Variants in GRHL1 observed in about 807,000 individuals in gnomAD.
GRHL1 encodes the protein grainyhead like transcription factor 1.
In GRHL1, 38 loss-of-function variants were observed where a neutral mutation model predicts 75.7. The ratio of observed to expected loss-of-function variants is 0.50; its 90% CI spans 0.39 to 0.66. The LOEUF (loss-of-function observed/expected upper bound fraction) is 0.66. Among genes scored for constraint, GRHL1 ranks in the 30% least tolerant of loss-of-function variants. GRHL1 has a pLI of 0.00. For synonymous variants in GRHL1, 266 were observed against 279.4 expected (o/e 0.95, Z 0.48); for missense variants, 589 against 767.5 (o/e 0.77, Z 2.75).
intron 14 of GRHL1, among the ~76,000 whole-genome samples, chr2:9,998,503 T>TATATATATAC (rs1669003352): frequency 4.4e-5 from 1 of 22,864 alleles, no homozygotes; most frequent in Non-Finnish European, 7.5e-5. Flanking sequence ...TATATATACA[T>TATATATATAC]ATATATACGT....
intron 4 of GRHL1, among the ~76,000 whole-genome samples, chr2:9,961,657 CTGAGT>C (rs1667280070): frequency 6.6e-6 from 1 of 152,094 alleles, no homozygotes; most frequent in African/African-American, 2.4e-5. Flanking sequence ...TTACCAGCAG[CTGAGT>C]TAACAATTAT....
At position 9,987,178 on chromosome 2, in the gene GRHL1, G is replaced by A. The variant is rs1442473154; in HGVS notation, c.1269+896G>A. On this transcript the variant is annotated intron_variant, in intron 9 of 15. Coordinates refer to ENST00000324907, the MANE Select transcript of GRHL1 (RefSeq NM_198182.3). The surrounding 1 kb of genome is among the most constrained non-coding windows in gnomAD (Gnocchi z 4.2). ...TATAGAAACAGGGTTTCGCCAGGTT[G>A]GCCAGGCTGGTCTTGAATTCCTGGC... Among the ~76,000 whole-genome samples the A allele has an allele frequency of 6.6e-6, 1 of 151,874 alleles. No homozygotes were observed. Among genetic ancestry groups the A allele is most frequent in the Non-Finnish European group, 1.5e-5 (1 of 67,946 alleles).
At position 9,961,114 on chromosome 2, in the gene GRHL1, A is replaced by G. The variant is rs1274044838; in HGVS notation, c.347A>G (p.Lys116Arg). Residue 116 changes from lysine (K) to arginine (R), a missense_variant, in exon 4 of 16, where the codon AAA becomes AGA. Lys to Arg is a conservative substitution (Grantham distance 26, BLOSUM62 2). Around this residue, in one of 5 missense-constraint regions of GRHL1, gnomAD observed 362 missense variants for 461.8 expected, o/e 0.78. Transcript: ENST00000324907. ...SAGENRVQVL[K>R]NVPFNIVLPH... is the part of the protein sequence containing the mutation. ...GGAGAAAACAGAGTGCAAGTACTGA[A>G]AAATGTGCCATTTAACATTGTCCTT... The G allele has an allele frequency of 6.3e-7, 1 of 1,588,048 alleles. No homozygotes were observed.
intron 1 of GRHL1, chr2:9,953,099 C>G: frequency 2.2e-6 from 1 of 456,604 alleles, no homozygotes; most frequent in East Asian, 6.9e-5. Context: ...TTAGATAAGG[C>G]AAATTTTCCA....
chr2:9,996,265 C>T (rs1233098966), intron 13 of GRHL1, 51 bp from the exon 14 acceptor site: 4 of 1,309,586 alleles, frequency 3.1e-6, no homozygotes, highest in Non-Finnish European at 4.4e-6. Context: ...TGAACTGTAT[C>T]CTTTTTTTCC....
At chr2:9,963,814 A>G (rs1408927573) in intron 5 of GRHL1, 72 bp from the exon 6 acceptor site, 1 of 1,013,636 alleles carries the variant, frequency 9.9e-7, no homozygotes, top group African/African-American at 1.6e-5. Flanking sequence ...AGCAAATGCT[A>G]TTTATAATAT....
chr2:9,984,545 C>T (rs1668338961), intron 8 of GRHL1, among the ~76,000 whole-genome samples: 2 of 152,162 alleles, frequency 1.3e-5, no homozygotes, highest in South Asian at 4.1e-4. Flanking sequence ...ATGTCATATT[C>T]ATAATGTGAC....
At chr2:9,994,657 G>A (rs189322482) in intron 12 of GRHL1, among the ~76,000 whole-genome samples, 46 of 152,170 alleles carry the variant, frequency 3.0e-4, no homozygotes, top group African/African-American at 9.9e-4. Context: ...TGTGTGTTAG[G>A]AACTGAGGTG....
chr2:9,975,125 T>A (rs994207761), intron 8 of GRHL1, among the ~76,000 whole-genome samples: 12 of 152,306 alleles, frequency 7.9e-5, no homozygotes, highest in Middle Eastern at 3.4e-3. Context: ...TTTCACCTTC[T>A]AAGGCCTGTG....
chr2:9,953,976 C>T (rs1387366096), intron 1 of GRHL1, among the ~76,000 whole-genome samples: 1 of 152,066 alleles, frequency 6.6e-6, no homozygotes, highest in Non-Finnish European at 1.5e-5. Context: ...TTAAATAGTA[C>T]CAACCGAACA....
chr2:10,001,298 C>T lies in GRHL1; in HGVS notation c.*591C>T, dbSNP rs1669259747. The T allele has an allele frequency of 6.6e-6, 1 of 152,606 alleles. No individual in the cohort carries two copies. The highest frequency in any genetic ancestry group is 2.4e-5 in the African/African-American group (1 of 41,426). 9.5% of individuals were successfully genotyped at this position (152,606 alleles called of 1,614,324 possible). ...CGACTTTCTCGGACATATCAACTGC[C>T]TTTCTCATGAAGAATTTTAATGGGT... On this transcript the variant is annotated 3_prime_UTR_variant, in exon 16 of 16. Transcript: ENST00000324907.
intron 11 of GRHL1, among the ~76,000 whole-genome samples, 199 bp from the exon 12 acceptor site, chr2:9,993,007 TG>T (rs1181159989): frequency 6.6e-6 from 1 of 152,266 alleles, no homozygotes; most frequent in Non-Finnish European, 1.5e-5. Flanking sequence ...TTACATGAAC[TG>T]GCTTTAGACC....
At position 10,000,799 on chromosome 2, in the gene GRHL1, C is replaced by T. The variant is rs1317877203; in HGVS notation, c.*92C>T. On this transcript the variant is annotated 3_prime_UTR_variant, in exon 16 of 16. Coordinates refer to ENST00000324907, the MANE Select transcript of GRHL1 (RefSeq NM_198182.3). ...TGCAGGTAACCCCAGTCAGCCATGT[C>T]GCCAGCACAGGTCTATGTCGAGGGA... 1.4e-5 allele frequency: 10 copies of T among 716,348 alleles called. No individual in the cohort carries two copies. Among genetic ancestry groups the T allele is most frequent in the African/African-American group, 5.3e-5 (3 of 57,136 alleles). 44.4% of individuals were successfully genotyped at this position (716,348 alleles called of 1,614,324 possible).
At chr2:9,979,353 G>A (rs1233842755) in intron 8 of GRHL1, among the ~76,000 whole-genome samples, 9 of 151,448 alleles carry the variant, frequency 5.9e-5, no homozygotes, top group Non-Finnish European at 1.2e-4. Flanking sequence ...TCCCGCCTTG[G>A]CCTCCCAAGT....
chr2:9,980,431 A>G (rs1668149540), intron 8 of GRHL1, among the ~76,000 whole-genome samples: 1 of 152,112 alleles, frequency 6.6e-6, no homozygotes, highest in African/African-American at 2.4e-5. Context: ...AAAAAAAAAA[A>G]AGAATTAAAT....
chr2:9,992,326 G>A lies in GRHL1; in HGVS notation c.1461+180G>A, dbSNP rs1286669011. On this transcript the variant is annotated intron_variant, in intron 11 of 15. Transcript: ENST00000324907. This position sits in a 1 kb window ranked among gnomAD's most constrained non-coding sequence, Gnocchi z 4.6. The stretch of plus-strand genomic sequence containing the variant: ...CCGTGCAATAAAAATGGTAAGCATC[G>A]CTGATTTCAAGGTGCAGTGCAGCCT... 1.3e-5 allele frequency among the ~76,000 whole-genome samples: 2 copies of A among 152,178 alleles called. No homozygotes were observed. Among genetic ancestry groups the A allele is most frequent in the Non-Finnish European group, 2.9e-5 (2 of 68,026 alleles).
At chr2:9,959,219 G>A (rs2125206200) in intron 3 of GRHL1, 1 of 156,982 alleles carries the variant, frequency 6.4e-6, no homozygotes, top group Admixed American at 6.5e-5. Flanking sequence ...ACAACTGCCT[G>A]AGTAAAATTG....
At chr2:9,997,036 GCCTGTCT>G (rs1301925954) in intron 14 of GRHL1, among the ~76,000 whole-genome samples, 1 of 152,188 alleles carries the variant, frequency 6.6e-6, no homozygotes, top group Admixed American at 6.5e-5. Flanking sequence ...ATATTTACCA[GCCTGTCT>G]CCTAGAGACC....
At position 9,992,388 on chromosome 2, in the gene GRHL1, G is replaced by A. The variant is rs919345724; in HGVS notation, c.1461+242G>A. 2.6e-5 allele frequency among the ~76,000 whole-genome samples: 4 copies of A among 152,114 alleles called. No individual in the cohort carries two copies. Among genetic ancestry groups the A allele is most frequent in the African/African-American group, 4.8e-5 (2 of 41,418 alleles). On this transcript the variant is annotated intron_variant, in intron 11 of 15. Transcript: ENST00000324907. The surrounding 1 kb of genome is among the most constrained non-coding windows in gnomAD (Gnocchi z 4.6). ...TCTGTTTGTATTCATTCATTCATTCGTTCGTTCTTCATACCTACATATCCT... is the reference window on the plus strand; with the variant it reads ...TCTGTTTGTATTCATTCATTCATTCATTCGTTCTTCATACCTACATATCCT...
Sources: gnomAD v4.1 joint callset for allele counts (sites outside exome capture counted in the v4.1 genomes callset) on GRCh38, gnomAD v4.1.1 for gene constraint, gnomAD v4.1.1 regional missense constraint, Gnocchi (gnomAD v3.1) non-coding constraint, MANE v1.5 for transcripts, NCBI Gene and HGNC (gene_info 2026-07-23, HGNC 2026-07-21) for gene names.